Variants in RYR3 observed in about 807,000 individuals in gnomAD.
RYR3 encodes the protein brain ryanodine receptor-calcium release channel.
Under a neutral mutation model 584.3 loss-of-function variants are expected in RYR3, and 207 were observed. The ratio of observed to expected loss-of-function variants is 0.35; its 90% confidence interval spans 0.32 to 0.40. RYR3 has a LOEUF of 0.40. RYR3 is among the 10% of genes least tolerant of loss of function. The probability of loss-of-function intolerance (pLI) is 1.00; values close to 1 mark genes in which losing one functional copy is unlikely to be tolerated. For missense variants in RYR3, 5,616 were observed against 6,089.2 expected (o/e 0.92, Z 2.59); for synonymous variants, 2,416 against 2,248.5 (o/e 1.07, Z -2.11).
chr15:33,540,000 G>T (rs146066056), intron 6 of RYR3, among the ~76,000 whole-genome samples: 2 of 152,026 alleles, frequency 1.3e-5, no homozygotes, highest in African/African-American at 4.8e-5. Flanking sequence ...GTTCAAACCC[G>T]TGTTGTTCAA....
chr15:33,859,891 C>G (rs1222619067), intron 100 of RYR3, among the ~76,000 whole-genome samples, 160 bp downstream of exon 100: 1 of 152,156 alleles, frequency 6.6e-6, no homozygotes, highest in Non-Finnish European at 1.5e-5. Context: ...GAGGCTTTGG[C>G]TATATATAAA....
At chr15:33,456,099 A>G (rs2047537090) in intron 1 of RYR3, among the ~76,000 whole-genome samples, 1 of 152,180 alleles carries the variant, frequency 6.6e-6, no homozygotes, top group South Asian at 2.1e-4. Flanking sequence ...CCTCACTTTC[A>G]GTAAGTTCTT....
chr15:33,439,694 ACTTTC>A (rs2046053911), intron 1 of RYR3, among the ~76,000 whole-genome samples: 1 of 152,184 alleles, frequency 6.6e-6, no homozygotes, highest in Admixed American at 6.5e-5. Flanking sequence ...CTAAATCTTC[ACTTTC>A]CTTATGAATA....
chr15:33,826,641 C>G lies in RYR3; in HGVS notation c.11165-31C>G, dbSNP rs1405782510. ...AAGTATTCTCTGGTGAGAAGCCAAA[C>G]CAATGCTCATCAACGTTCTGTGTTT... is the stretch of plus-strand genomic sequence containing the variant. On this transcript the variant is annotated intron_variant, in intron 83 of 103. Coordinates refer to ENST00000634891, the MANE Select transcript of RYR3 (RefSeq NM_001036.6). 4.5e-6 allele frequency: 7 copies of G among 1,562,944 alleles called. No homozygotes were observed. The South Asian group carries it at 6.7e-5, about 15-fold the overall frequency.
intron 16 of RYR3, among the ~76,000 whole-genome samples, chr15:33,587,827 C>A (rs2058932385): frequency 6.6e-6 from 1 of 152,176 alleles, no homozygotes; most frequent in South Asian, 2.1e-4. Flanking sequence ...TTCAAACCAT[C>A]ACTAATGTAT....
At chr15:33,639,563 C>T (rs147739125) in intron 27 of RYR3, among the ~76,000 whole-genome samples, 1,600 of 152,270 alleles carry the variant, frequency 0.011, 9 homozygotes, top group Non-Finnish European at 0.015. Context: ...TACCTCCCCC[C>T]ACCCCGTAAA....
chr15:33,473,362 C>T (rs762619714), intron 1 of RYR3, 57 bp from the exon 2 acceptor site: 22 of 1,609,322 alleles, frequency 1.4e-5, no homozygotes, highest in Middle Eastern at 1.6e-4. Flanking sequence ...GAAGGTGACT[C>T]GGGGCCTGGC....
chr15:33,803,696 G>A lies in RYR3; in HGVS notation c.10011+1735G>A, dbSNP rs1048805340. Among the ~76,000 whole-genome samples, 7 of 152,266 alleles carry A rather than the reference G, an allele frequency of 4.6e-5. No individual in the cohort carries two copies. In the South Asian group the frequency reaches 1.2e-3, roughly 27 times the overall value. ...CACCTGGCTAATTTTTGTATTTTTA[G>A]TAGAGATGGAGTTTCGCCATGTTGG... is the stretch of plus-strand genomic sequence containing the variant. On this transcript the variant is annotated intron_variant, in intron 69 of 103. Transcript: ENST00000634891.
At chr15:33,591,683 G>A (rs529807314) in intron 16 of RYR3, among the ~76,000 whole-genome samples, 14 of 152,294 alleles carry the variant, frequency 9.2e-5, no homozygotes, top group African/African-American at 2.9e-4. Flanking sequence ...CCTGCTCAAA[G>A]TTGCCATAGA....
intron 18 of RYR3, among the ~76,000 whole-genome samples, chr15:33,612,509 C>T (rs949572627): frequency 3.9e-5 from 6 of 152,168 alleles, no homozygotes; most frequent in Admixed American, 1.3e-4. Context: ...TACAGGCATG[C>T]GCCACCACAC....
Position 33,601,492 on chromosome 15 carries a change from A to G in RYR3, c.1862A>G (p.Asp621Gly). ...AGAGCCAACCAGAATCTGATCTGTG[A>G]CAACTTGCTGCCCCGGAGAAACCTA... is the stretch of plus-strand genomic sequence containing the variant. Reference protein sequence around the residue: ...AVRANQNLICDNLLPRRNLLL... With the variant: ...AVRANQNLICGNLLPRRNLLL... The change falls in exon 17 of 104, where the codon GAC (aspartate) becomes GGC (glycine). Residue 621 changes from aspartate (D) to glycine (G), a missense_variant. Transcript: ENST00000634891. 1 of 1,613,692 alleles carries G rather than the reference A, an allele frequency of 6.2e-7. No individual in the cohort carries two copies. Among genetic ancestry groups the G allele is most frequent in the South Asian group, 1.1e-5 (1 of 90,992 alleles).
chr15:33,629,940 A>G lies in RYR3; in HGVS notation c.2680A>G (p.Ile894Val), dbSNP rs1368764420. 6.4e-7 allele frequency: 1 copy of G among 1,563,090 alleles called. No individual in the cohort carries two copies. Among genetic ancestry groups the G allele is most frequent in the South Asian group, 1.2e-5 (1 of 85,904 alleles). Residue 894 changes from isoleucine to valine, a missense_variant and splice_region_variant, in exon 22 of 104, where the codon ATA becomes GTA. Around this residue, in one of 9 missense-constraint regions of RYR3, gnomAD observed 1,284 missense variants for 1,344.6 expected, o/e 0.95. Transcript: ENST00000634891. Reference protein sequence around the residue: ...KIELGWTFGKIRDDNKRQHPC... With the variant: ...KIELGWTFGKVRDDNKRQHPC... ...CATTCTTTCTTATGTCACCACCTAG[A>G]TACGAGATGACAATAAAAGACAACA...
chr15:33,317,718 A>T (rs1968391321), intron 1 of RYR3, among the ~76,000 whole-genome samples: 1 of 152,256 alleles, frequency 6.6e-6, no homozygotes, highest in African/African-American at 2.4e-5. Context: ...TCTGAGACTG[A>T]TGATGCAGTA....
intron 1 of RYR3, among the ~76,000 whole-genome samples, chr15:33,385,926 A>G (rs2041571281): frequency 6.6e-6 from 1 of 152,036 alleles, no homozygotes; most frequent in Non-Finnish European, 1.5e-5. Flanking sequence ...GCTGGTCACA[A>G]ACTCCTGTGC....
At chr15:33,503,888 T>A (rs974534610) in intron 3 of RYR3, 150 bp downstream of exon 3, 11 of 620,918 alleles carry the variant, frequency 1.8e-5, no homozygotes, top group Non-Finnish European at 3.2e-5. Context: ...CTGAGTTGAG[T>A]TGGTGTTATT....
chr15:33,445,472 G>T lies in RYR3; in HGVS notation c.52-27947G>T, dbSNP rs112179238. Among the ~76,000 whole-genome samples the T allele has an allele frequency of 5.1e-3, 779 of 152,250 alleles. 6 individuals are homozygous for T. Among genetic ancestry groups the T allele is most frequent in the African/African-American group, 0.018 (738 of 41,528 alleles). On this transcript the variant is annotated intron_variant, in intron 1 of 103. Coordinates refer to ENST00000634891, the MANE Select transcript of RYR3 (RefSeq NM_001036.6). ...CGCAGCCAGCCCAGTAGAGACACATGTCTGATTTTTCCTGATCTAGGTCCC... is the reference window on the plus strand; with the variant it reads ...CGCAGCCAGCCCAGTAGAGACACATTTCTGATTTTTCCTGATCTAGGTCCC...
At chr15:33,392,913 G>T (rs1355771628) in intron 1 of RYR3, among the ~76,000 whole-genome samples, 1 of 152,240 alleles carries the variant, frequency 6.6e-6, no homozygotes, top group Non-Finnish European at 1.5e-5. Context: ...TATTGTTCAA[G>T]TATGTTTTAG....
At chr15:33,629,040 T>G (rs1223401266) in intron 21 of RYR3, among the ~76,000 whole-genome samples, 1 of 152,216 alleles carries the variant, frequency 6.6e-6, no homozygotes, top group Non-Finnish European at 1.5e-5. Flanking sequence ...ATAGGTGAGT[T>G]CTGAAGCTTC....
chr15:33,403,893 A>G (rs920240100), intron 1 of RYR3, among the ~76,000 whole-genome samples: 1 of 152,188 alleles, frequency 6.6e-6, no homozygotes, highest in Non-Finnish European at 1.5e-5. Context: ...ATGGCTTTCA[A>G]ATGGAAGCCA....
Sources: allele counts gnomAD v4.1 joint callset (sites outside exome capture counted in the v4.1 genomes callset), GRCh38; gene constraint gnomAD v4.1.1; regional missense constraint gnomAD v4.1.1; transcripts MANE v1.5; gene names NCBI Gene and HGNC (gene_info 2026-07-23, HGNC 2026-07-21).